RBFOX1: variants seen among roughly 807,000 people sequenced by gnomAD.
RBFOX1 encodes RNA binding fox-1 homolog 1, also known as RNA binding protein fox-1 homolog 1.
RBFOX1 carries 8 observed loss-of-function variants against 57.7 expected under a neutral mutation model. The ratio of observed to expected loss-of-function variants is 0.14; its 90% CI spans 0.08 to 0.25. The LOEUF (loss-of-function observed/expected upper bound fraction) is 0.25, where lower values mean the gene tolerates loss of function less well. Among genes scored for constraint, RBFOX1 ranks in the 10% least tolerant of loss-of-function variants. The probability of loss-of-function intolerance (pLI) is 1.00; values close to 1 mark genes in which losing one functional copy is unlikely to be tolerated. For synonymous variants in RBFOX1, 326 were observed against 222.4 expected (o/e 1.47, Z -4.15); for missense variants, 611 against 548.5 (o/e 1.11, Z -1.14).
chr16:7,660,755 T>C (rs917966026), intron 12 of RBFOX1, among the ~76,000 whole-genome samples: 2 of 152,226 alleles, frequency 1.3e-5, no homozygotes, highest in African/African-American at 4.8e-5. Context: ...CCGGATCTAT[T>C]CAATCAGAAC....
At chr16:6,934,167 A>T (rs1259276754) in intron 3 of RBFOX1, among the ~76,000 whole-genome samples, 3 of 152,126 alleles carry the variant, frequency 2.0e-5, no homozygotes, top group African/African-American at 7.2e-5. Flanking sequence ...GAGTTTTCCT[A>T]ACAGTATGTG....
At chr16:5,992,542 G>A (rs1436088664) in intron 4 of RBFOX1, among the ~76,000 whole-genome samples, 2 of 152,256 alleles carry the variant, frequency 1.3e-5, no homozygotes, top group Admixed American at 1.3e-4. Context: ...GCATGTATGT[G>A]TGTGTGCTTG....
intron 2 of RBFOX1, among the ~76,000 whole-genome samples, chr16:5,502,113 G>A (rs919888985): frequency 6.6e-6 from 1 of 152,074 alleles, no homozygotes; most frequent in Non-Finnish European, 1.5e-5. Context: ...AGTATGGCCG[G>A]CAGAAGGTGG....
intron 4 of RBFOX1, among the ~76,000 whole-genome samples, chr16:7,412,320 C>T (rs1170123415): frequency 2.0e-5 from 3 of 150,192 alleles, no homozygotes; most frequent in African/African-American, 7.4e-5. Flanking sequence ...GAGGCTGAGG[C>T]AGGAGAATCA....
At chr16:6,957,822 G>C (rs745372596) in intron 3 of RBFOX1, among the ~76,000 whole-genome samples, 2 of 152,102 alleles carry the variant, frequency 1.3e-5, no homozygotes, top group African/African-American at 2.4e-5. Context: ...TTTTCACACA[G>C]CCTCTTTGTG....
In RBFOX1 at chr16:7,321,984, C is replaced by A. The variant is rs182957262; in HGVS notation, c.28-196163C>A. ...CTTGGCACAGCTTGGTTCTGGGTCC[C>A]TCACATCTCTGTCTTGTCTGCAAAA... On this transcript the variant is annotated intron_variant, in intron 4 of 15. Transcript: ENST00000550418. Among the ~76,000 whole-genome samples the A allele has an allele frequency of 2.8e-3, 430 of 152,334 alleles. 1 individual carries two copies. Among genetic ancestry groups the A allele is most frequent in the African/African-American group, 0.01 (417 of 41,574 alleles).
intron 3 of RBFOX1, among the ~76,000 whole-genome samples, chr16:6,857,234 A>C (rs1476692548): frequency 1.3e-5 from 2 of 152,174 alleles, no homozygotes; most frequent in Non-Finnish European, 2.9e-5. Context: ...ATCATATTAC[A>C]CAATATTGAT....
chr16:6,520,324 C>A (rs1388555904), intron 2 of RBFOX1, among the ~76,000 whole-genome samples: 1 of 152,130 alleles, frequency 6.6e-6, no homozygotes, highest in Non-Finnish European at 1.5e-5. Flanking sequence ...TATAGAACTA[C>A]AAAATCCTTG....
chr16:5,310,435 G>T (rs990298145), intron 1 of RBFOX1, among the ~76,000 whole-genome samples: 4 of 152,094 alleles, frequency 2.6e-5, no homozygotes, highest in Admixed American at 1.3e-4. Context: ...AATTAGGCAG[G>T]TATGTTAGAA....
intron 3 of RBFOX1, among the ~76,000 whole-genome samples, chr16:5,849,633 G>C (rs1045274685): frequency 1.3e-5 from 2 of 152,148 alleles, no homozygotes; most frequent in African/African-American, 4.8e-5. Flanking sequence ...ATCTGGAAGT[G>C]CCGACTGCTC....
Position 6,060,428 on chromosome 16 carries a change from T to A in RBFOX1, c.-127+40436T>A, listed in dbSNP as rs182102408. Among the ~76,000 whole-genome samples, 368 of 152,246 alleles carry A rather than the reference T, an allele frequency of 2.4e-3. 2 individuals carry two copies. The highest frequency in any genetic ancestry group is 8.4e-3 in the African/African-American group (351 of 41,544). On this transcript the variant is annotated intron_variant, in intron 1 of 15. Transcript: ENST00000550418. ...AATGTTCTAGAAGGGTTAGCTGTAA[T>A]TTTTGGTTATTATACTCTTAGGAGA...
At chr16:6,458,213 G>A (rs917126904) in intron 2 of RBFOX1, among the ~76,000 whole-genome samples, 18 of 152,266 alleles carry the variant, frequency 1.2e-4, no homozygotes, top group African/African-American at 3.1e-4. Flanking sequence ...CTGGAAGTTC[G>A]TCTGCAGCAT....
At chr16:7,421,754 T>A (rs1447318791) in intron 4 of RBFOX1, among the ~76,000 whole-genome samples, 3 of 152,254 alleles carry the variant, frequency 2.0e-5, no homozygotes, top group Non-Finnish European at 2.9e-5. Context: ...TGGTTCTGCG[T>A]TTCTGTACCA....
At chr16:6,820,186 C>T (rs972735895) in intron 3 of RBFOX1, among the ~76,000 whole-genome samples, 1 of 152,180 alleles carries the variant, frequency 6.6e-6, no homozygotes, top group African/African-American at 2.4e-5. Context: ...TCTCCTTCAC[C>T]TTCCATCGTG....
At chr16:6,092,519 T>G (rs1567436431) in intron 1 of RBFOX1, 1 of 152,238 alleles carries the variant, frequency 6.6e-6, no homozygotes, top group Non-Finnish European at 1.5e-5. Flanking sequence ...TTCAACATGT[T>G]ATAACTTCAC....
intron 1 of RBFOX1, among the ~76,000 whole-genome samples, chr16:5,271,549 GT>G (rs1422535864): frequency 2.6e-5 from 4 of 152,214 alleles, no homozygotes; most frequent in Non-Finnish European, 4.4e-5. Flanking sequence ...GGCGACGCAG[GT>G]TCAAGCTTAA....
At chr16:7,148,856 C>T (rs560147743) in intron 4 of RBFOX1, among the ~76,000 whole-genome samples, 2 of 152,176 alleles carry the variant, frequency 1.3e-5, no homozygotes, top group Admixed American at 6.5e-5. Context: ...ACCCTCGGGT[C>T]ACCATCACCT....
intron 3 of RBFOX1, among the ~76,000 whole-genome samples, chr16:5,749,578 T>C (rs1036329069): frequency 1.3e-5 from 2 of 152,226 alleles, no homozygotes; most frequent in Non-Finnish European, 2.9e-5. Flanking sequence ...TTTACTCTTT[T>C]TTCTCTAAAC....
intron 4 of RBFOX1, among the ~76,000 whole-genome samples, chr16:7,122,378 C>G (rs2067380828): frequency 6.6e-6 from 1 of 151,948 alleles, no homozygotes; most frequent in Non-Finnish European, 1.5e-5. Context: ...ATTCATACTC[C>G]TTTCTTATTG....
Sources: allele counts gnomAD v4.1 joint callset (sites outside exome capture counted in the v4.1 genomes callset), GRCh38; gene constraint gnomAD v4.1.1; transcripts MANE v1.5; gene names NCBI Gene and HGNC (gene_info 2026-07-23, HGNC 2026-07-21).